Variants in CCDC30 observed in about 807,000 individuals in gnomAD.
The protein encoded by CCDC30 is coiled-coil domain containing 30.
Under a neutral mutation model 100.2 loss-of-function variants are expected in CCDC30, and 70 were observed. The observed-to-expected ratio is 0.70, with a 90% CI of 0.58 to 0.85. The LOEUF (loss-of-function observed/expected upper bound fraction) is 0.85, where lower values mean the gene tolerates loss of function less well. Among genes scored for constraint, CCDC30 ranks in the 40% least tolerant of loss-of-function variants. CCDC30 has a pLI of 0.00. For missense variants in CCDC30, 652 were observed against 771.2 expected (o/e 0.85, Z 1.83); for synonymous variants, 233 against 269.5 (o/e 0.86, Z 1.33).
intron 15 of CCDC30, among the ~76,000 whole-genome samples, chr1:42,649,500 A>G (rs1648159816): frequency 6.6e-6 from 1 of 152,200 alleles, no homozygotes; most frequent in Non-Finnish European, 1.5e-5. Flanking sequence ...CATTATACTC[A>G]ATGGAGAAAA....
chr1:42,551,742 G>GTTGT (rs374890123), intron 6 of CCDC30, among the ~76,000 whole-genome samples: 1 of 144,496 alleles, frequency 6.9e-6, no homozygotes. Context: ...GATAAATTCT[G>GTTGT]GTGTGTGTGT....
chr1:42,467,594 A>G (rs916960525), intron 1 of CCDC30: 1 of 152,228 alleles, frequency 6.6e-6, no homozygotes, highest in Non-Finnish European at 1.5e-5. Flanking sequence ...GTTGTTCACT[A>G]GAAAACTGGA....
chr1:42,542,488 G>T (rs2148529100), intron 6 of CCDC30, among the ~76,000 whole-genome samples: 1 of 151,374 alleles, frequency 6.6e-6, no homozygotes, highest in South Asian at 2.1e-4. Context: ...GCCTCCCAAG[G>T]AGCTGAGACC....
intron 15 of CCDC30, among the ~76,000 whole-genome samples, chr1:42,650,497 A>ATGTG (rs57051349): frequency 0.012 from 1,634 of 136,234 alleles, 16 homozygotes; most frequent in Middle Eastern, 0.044. Flanking sequence ...AAAAATATAT[A>ATGTG]TGTGTGTGTG....
chr1:42,574,237 A>T (rs1645789581), intron 7 of CCDC30, among the ~76,000 whole-genome samples: 2 of 151,762 alleles, frequency 1.3e-5, no homozygotes, highest in South Asian at 2.1e-4. Flanking sequence ...AAGCCTTCTG[A>T]TTTTGCTTTC....
chr1:42,609,150 C>T (rs750344359), intron 10 of CCDC30, among the ~76,000 whole-genome samples: 35 of 152,234 alleles, frequency 2.3e-4, no homozygotes, highest in Non-Finnish European at 2.8e-4. Context: ...CTCTGCCACC[C>T]CTGAGATAAC....
intron 11 of CCDC30, among the ~76,000 whole-genome samples, chr1:42,626,914 C>T (rs11210684): frequency 0.21 from 31,752 of 151,878 alleles, 3,922 homozygotes; most frequent in Non-Finnish European, 0.27. Context: ...AGTGTGAAAA[C>T]GAACTAATAC....
intron 2 of CCDC30, among the ~76,000 whole-genome samples, chr1:42,481,338 GGCCAAGGCAGACAGATC>G (rs1643953932): frequency 6.6e-6 from 1 of 152,020 alleles, no homozygotes. Flanking sequence ...CACTTTGGGA[GGCCAAGGCAGACAGATC>G]GCCTGAGGTC....
chr1:42,532,844 C>T (rs1430974719), intron 6 of CCDC30, among the ~76,000 whole-genome samples: 1 of 152,222 alleles, frequency 6.6e-6, no homozygotes, highest in East Asian at 1.9e-4. Flanking sequence ...TGGCTTATTG[C>T]AAGCTCCGCC....
At chr1:42,606,539 C>T (rs946198714) in intron 10 of CCDC30, among the ~76,000 whole-genome samples, 11 of 152,166 alleles carry the variant, frequency 7.2e-5, no homozygotes, top group Non-Finnish European at 1.0e-4. Context: ...CGGCCTGCAG[C>T]GAGCTCACAT....
downstream of CCDC30, among the ~76,000 whole-genome samples, chr1:42,655,163 C>T (rs1648617590): frequency 6.6e-6 from 1 of 152,132 alleles, no homozygotes; most frequent in Admixed American, 6.5e-5. Context: ...ATATGATATT[C>T]AATCATGTTG....
At chr1:42,621,497 T>TTTTATTTATTTATTTATTTA (rs148757100) in intron 11 of CCDC30, among the ~76,000 whole-genome samples, 129 of 145,290 alleles carry the variant, frequency 8.9e-4, no homozygotes, top group Admixed American at 1.3e-3. Context: ...GTTTATTTTA[T>TTTTATTTATTTATTTATTTA]TTTATTTATT....
chr1:42,561,718 C>G (rs1290696776), intron 6 of CCDC30, among the ~76,000 whole-genome samples: 3 of 152,078 alleles, frequency 2.0e-5, no homozygotes, highest in East Asian at 1.9e-4. Context: ...CATCTCAGCC[C>G]AAAAACTTCT....
chr1:42,463,043 AAAATGTATTCGCTAAGTCGC>A (rs1643452928), upstream of CCDC30, among the ~76,000 whole-genome samples: 1 of 152,224 alleles, frequency 6.6e-6, no homozygotes, highest in South Asian at 2.1e-4. Flanking sequence ...GCCCCAAGAC[AAAATGTATTCGCTAAGTCGC>A]AAACGCTCGA....
Position 42,480,574 on chromosome 1 carries a change from A to G in CCDC30, c.15+8A>G. 1.0e-6 allele frequency: 1 copy of G among 982,754 alleles called. No homozygotes were observed. The highest frequency in any genetic ancestry group is 1.2e-6 in the Non-Finnish European group (1 of 827,526). The allele number at this position is 982,754 out of a possible 1,614,324, so 60.9% of individuals were successfully genotyped here. On this transcript the variant is annotated splice_region_variant and intron_variant, in intron 2 of 16. Transcript: ENST00000668663. Reference sequence around the variant, plus strand: ...AAAATGCTGGAATTACAGGTGAGCCACCACACCCAGGCAAAATGACATTTT... The same window carrying G: ...AAAATGCTGGAATTACAGGTGAGCCGCCACACCCAGGCAAAATGACATTTT...
intron 10 of CCDC30, among the ~76,000 whole-genome samples, chr1:42,598,749 C>T (rs1008842586): frequency 1.2e-4 from 18 of 151,740 alleles, no homozygotes; most frequent in African/African-American, 3.4e-4. Flanking sequence ...CAGAGTGAGA[C>T]CCTGTCTCAA....
At chr1:42,516,878 A>G (rs1644563259) in intron 6 of CCDC30, among the ~76,000 whole-genome samples, 2 of 152,152 alleles carry the variant, frequency 1.3e-5, no homozygotes, top group African/African-American at 4.8e-5. Flanking sequence ...TAATGTTAGC[A>G]TCTTTTGAGG....
At chr1:42,542,314 A>G (rs1277674298) in intron 6 of CCDC30, among the ~76,000 whole-genome samples, 2 of 152,178 alleles carry the variant, frequency 1.3e-5, no homozygotes, top group Non-Finnish European at 2.9e-5. Flanking sequence ...CATCCTTTGC[A>G]GAAACCCTCA....
chr1:42,542,771 T>C (rs1481673027), intron 6 of CCDC30: 2 of 114,338 alleles, frequency 1.7e-5, no homozygotes, highest in African/African-American at 5.8e-5. Context: ...GCCAGGATGG[T>C]CTCGATCTCC....
Sources: allele counts gnomAD v4.1 joint callset (sites outside exome capture counted in the v4.1 genomes callset), GRCh38; gene constraint gnomAD v4.1.1; transcripts MANE v1.5; gene names NCBI Gene and HGNC (gene_info 2026-07-23, HGNC 2026-07-21).